The following PLCB1 variants were observed in gnomAD, a reference collection of about 807,000 sequenced individuals.
PLCB1 encodes 1-phosphatidylinositol 4,5-bisphosphate phosphodiesterase beta-1.
In PLCB1, 46 loss-of-function variants were observed where a neutral mutation model predicts 161.8. The observed-to-expected ratio is 0.28, with a 90% CI of 0.22 to 0.36. The LOEUF (loss-of-function observed/expected upper bound fraction) is 0.36, where lower values mean the gene tolerates loss of function less well. Among genes scored for constraint, PLCB1 ranks in the 10% least tolerant of loss-of-function variants. The pLI is 1.00. For missense variants in PLCB1, 1,016 were observed against 1,472.5 expected, an observed-to-expected ratio of 0.69 and a Z score of 5.07; for synonymous variants, 517 against 503.7, an observed-to-expected ratio of 1.03 and a Z score of -0.35.
chr20:8,374,509 C>T (rs1016634431), intron 3 of PLCB1, among the ~76,000 whole-genome samples: 2 of 152,294 alleles, frequency 1.3e-5, no homozygotes, highest in Non-Finnish European at 2.9e-5. Flanking sequence ...CTTGGCAGCT[C>T]CTGGCCTCCC....
chr20:8,535,153 C>T (rs1159269122), intron 3 of PLCB1, among the ~76,000 whole-genome samples: 3 of 115,470 alleles, frequency 2.6e-5, no homozygotes. Context: ...AATTTCTTAG[C>T]TGACCATTCT....
intron 2 of PLCB1, among the ~76,000 whole-genome samples, chr20:8,290,491 A>G (rs1983338545): frequency 6.6e-6 from 1 of 152,166 alleles, no homozygotes; most frequent in Admixed American, 6.5e-5. Flanking sequence ...ACAAGTCACC[A>G]ATCACATCAG....
chr20:8,241,660 TG>T (rs1172407246), intron 2 of PLCB1, among the ~76,000 whole-genome samples: 1 of 151,892 alleles, frequency 6.6e-6, no homozygotes, highest in African/African-American at 2.4e-5. Context: ...AGTCTTGTTT[TG>T]TTTGATTTCC....
intron 23 of PLCB1, among the ~76,000 whole-genome samples, chr20:8,747,261 T>C (rs1326490897): frequency 1.3e-5 from 2 of 152,268 alleles, no homozygotes; most frequent in African/African-American, 2.4e-5. Flanking sequence ...TTCTATTTGA[T>C]TGATTTGTGC....
chr20:8,634,034 C>A (rs6055959), intron 4 of PLCB1, among the ~76,000 whole-genome samples: 112,667 of 152,074 alleles, frequency 0.74, 42,118 homozygotes, highest in African/African-American at 0.82. Flanking sequence ...TGTAGTTGTA[C>A]GTTTAGGGCT....
At chr20:8,216,830 G>A (rs1979158403) in intron 2 of PLCB1, among the ~76,000 whole-genome samples, 1 of 152,096 alleles carries the variant, frequency 6.6e-6, no homozygotes. Flanking sequence ...TCAAGTACAT[G>A]GAGCTCTAAG....
intron 3 of PLCB1, among the ~76,000 whole-genome samples, chr20:8,410,393 ATCTTGT>A (rs1978990705): frequency 6.6e-6 from 1 of 152,142 alleles, no homozygotes; most frequent in South Asian, 2.1e-4. Flanking sequence ...TACAAGAGAG[ATCTTGT>A]TCTCCACATC....
chr20:8,554,904 C>T lies in PLCB1; in HGVS notation c.247-73390C>T, dbSNP rs559176963. Among the ~76,000 whole-genome samples the T allele has an allele frequency of 7.9e-5, 12 of 152,026 alleles. No individual in the cohort carries two copies. The East Asian group carries it at 1.2e-3, about 15-fold the overall frequency. On this transcript the variant is annotated intron_variant, in intron 3 of 31. Transcript: ENST00000338037. Reference sequence around the variant, plus strand: ...TCTTATTTGTGTGAAATTACTGGGACGTGTACTTTTGCATTTAAGAAAATG... The same window carrying T: ...TCTTATTTGTGTGAAATTACTGGGATGTGTACTTTTGCATTTAAGAAAATG...
intron 1 of PLCB1, among the ~76,000 whole-genome samples, chr20:8,149,904 A>G (rs2051492237): frequency 1.3e-5 from 2 of 152,274 alleles, no homozygotes; most frequent in African/African-American, 4.8e-5. Context: ...ATTAAAAATC[A>G]TTTTATGGAA....
At chr20:8,349,023 CAT>C (rs1472271150) in intron 2 of PLCB1, among the ~76,000 whole-genome samples, 4 of 151,936 alleles carry the variant, frequency 2.6e-5, no homozygotes, top group Admixed American at 6.6e-5. Context: ...TACACACATA[CAT>C]ATATATACAC....
intron 1 of PLCB1, among the ~76,000 whole-genome samples, chr20:8,147,895 C>T (rs2011368): frequency 0.41 from 57,002 of 138,424 alleles, 11,565 homozygotes; most frequent in Middle Eastern, 0.47. Context: ...TTTTTTGAGA[C>T]GGCGTCTCGC....
intron 3 of PLCB1, among the ~76,000 whole-genome samples, chr20:8,561,679 C>A (rs532324058): frequency 6.6e-6 from 1 of 152,070 alleles, no homozygotes; most frequent in East Asian, 1.9e-4. Flanking sequence ...GCTTCAACTG[C>A]TCAATTTGCA....
At chr20:8,641,106 A>G (rs1306657911) in intron 4 of PLCB1, among the ~76,000 whole-genome samples, 1 of 152,214 alleles carries the variant, frequency 6.6e-6, no homozygotes, top group Non-Finnish European at 1.5e-5. Context: ...AAAGCATAAT[A>G]AGTATGTCTA....
At position 8,716,333 on chromosome 20, in the gene PLCB1, C is replaced by A. The variant is rs2123465748; in HGVS notation, c.1320C>A (p.Pro440=). The change falls in exon 13 of 32, where the codon CCC becomes CCA. Residue 440 remains proline, a synonymous_variant. Transcript: ENST00000338037. ...TTGGGGATGCCCTTCTCATGGAGCC[C>A]CTGGAAAAATATCCAGTAAGCAGTT... ...LIFGDALLME[P]LEKYPLESGV... 6.2e-7 allele frequency: 1 copy of A among 1,613,254 alleles called. No homozygotes were observed. The highest frequency in any genetic ancestry group is 8.5e-7 in the Non-Finnish European group (1 of 1,179,296).
intron 9 of PLCB1, among the ~76,000 whole-genome samples, chr20:8,662,398 T>G (rs1467507509): frequency 1.8e-4 from 24 of 131,488 alleles, no homozygotes; most frequent in East Asian, 6.7e-4. Context: ...AATTATTTAT[T>G]ATATAATTAT....
intron 2 of PLCB1, among the ~76,000 whole-genome samples, chr20:8,257,676 G>A (rs1323183937): frequency 6.6e-6 from 1 of 152,194 alleles, no homozygotes; most frequent in African/African-American, 2.4e-5. Flanking sequence ...ACAGGCCAGT[G>A]ATCAATGCCT....
intron 31 of PLCB1, among the ~76,000 whole-genome samples, chr20:8,863,638 A>G (rs539707817): frequency 6.6e-6 from 1 of 152,334 alleles, no homozygotes; most frequent in Non-Finnish European, 1.5e-5. Flanking sequence ...ATAACCTCAC[A>G]CACCGTACTT....
intron 3 of PLCB1, among the ~76,000 whole-genome samples, chr20:8,493,370 T>C (rs6055861): frequency 0.16 from 24,628 of 152,134 alleles, 2,459 homozygotes; most frequent in African/African-American, 0.28. Context: ...GTTAAAATTT[T>C]TTGTGTAGGT....
chr20:8,165,065 A>G (rs2051661970), intron 2 of PLCB1, among the ~76,000 whole-genome samples: 1 of 152,160 alleles, frequency 6.6e-6, no homozygotes, highest in African/African-American at 2.4e-5. Context: ...GTCAGTGGCT[A>G]TCATTCCCTG....
Sources: gnomAD v4.1 joint callset for allele counts (sites outside exome capture counted in the v4.1 genomes callset) on GRCh38, gnomAD v4.1.1 for gene constraint, MANE v1.5 for transcripts, NCBI Gene and HGNC (gene_info 2026-07-23, HGNC 2026-07-21) for gene names.